Variants in PHACTR2 observed in about 807,000 individuals in gnomAD.
The protein encoded by PHACTR2 is chromosome 6 open reading frame 56.
A neutral mutation model predicts 76.0 loss-of-function variants in PHACTR2; 30 were observed. The ratio of observed to expected loss-of-function variants is 0.39; its 90% CI spans 0.30 to 0.54. PHACTR2 has a LOEUF of 0.54. PHACTR2 is among the 20% of genes least tolerant of loss of function. The probability of loss-of-function intolerance (pLI) is 0.61; values close to 1 mark genes in which losing one functional copy is unlikely to be tolerated. For synonymous variants in PHACTR2, 292 were observed against 292.5 expected (o/e 1.00, Z 0.02); for missense variants, 696 against 781.1 (o/e 0.89, Z 1.30).
At chr6:143,685,136 C>T (rs1263774340) in intron 1 of PHACTR2, among the ~76,000 whole-genome samples, 2 of 151,854 alleles carry the variant, frequency 1.3e-5, no homozygotes, top group Admixed American at 6.6e-5. Context: ...CGTTTTCTTT[C>T]TTACAGACTA....
rs1486135263 is a variant in PHACTR2, at chr6:143,537,410, A to T, written c.217+203A>T. Among the ~76,000 whole-genome samples the T allele has an allele frequency of 5.3e-5, 8 of 152,128 alleles. No homozygotes were observed. The highest frequency in any genetic ancestry group is 5.2e-4 in the Admixed American group (8 of 15,284). ...CCCGGGCTCGGCGACCCTAGGCGGA[A>T]GATGCTAAAAGCAGGCGACGGCTTG... On this transcript the variant is annotated intron_variant, in intron 1 of 11. Coordinates refer to the PHACTR2 transcript ENST00000367584. This position sits in a 1 kb window ranked among gnomAD's most constrained non-coding sequence, Gnocchi z 4.4.
chr6:143,753,036 T>G lies in PHACTR2; in HGVS notation c.296-718T>G, dbSNP rs940233966. 6.6e-6 allele frequency among the ~76,000 whole-genome samples: 1 copy of G among 152,016 alleles called. No homozygotes were observed. Among genetic ancestry groups the G allele is most frequent in the Non-Finnish European group, 1.5e-5 (1 of 67,972 alleles). On this transcript the variant is annotated intron_variant, in intron 3 of 12. Coordinates refer to ENST00000440869, the MANE Select transcript of PHACTR2 (RefSeq NM_001100164.2). This position sits in a 1 kb window ranked among gnomAD's most constrained non-coding sequence, Gnocchi z 4.6. ...ATCCATTATGGTTTTTTAAAATTCC[T>G]TTGTGATTACTTTTTTATGTGTGTT...
chr6:143,755,872 A>G lies in PHACTR2; in HGVS notation c.454+1960A>G, dbSNP rs1246254210. Among the ~76,000 whole-genome samples, 1 of 152,198 alleles carries G rather than the reference A, an allele frequency of 6.6e-6. No homozygotes were observed. The highest frequency in any genetic ancestry group is 2.4e-5 in the African/African-American group (1 of 41,458). ...GACAAAGGTAACAATTTATTTCTCT[A>G]GAAAAACATTTTTCATTCTGAAGAC... is the stretch of plus-strand genomic sequence containing the variant. On this transcript the variant is annotated intron_variant, in intron 4 of 12. Coordinates refer to ENST00000440869, the MANE Select transcript of PHACTR2 (RefSeq NM_001100164.2). The surrounding 1 kb of genome is among the most constrained non-coding windows in gnomAD (Gnocchi z 5.2).
At position 143,754,530 on chromosome 6, in the gene PHACTR2, C is replaced by T. The variant is rs139076325; in HGVS notation, c.454+618C>T. 7.1e-3 allele frequency among the ~76,000 whole-genome samples: 1,076 copies of T among 152,318 alleles called. 14 individuals are homozygous for T. The highest frequency in any genetic ancestry group is 0.024 in the African/African-American group (1,016 of 41,564). On this transcript the variant is annotated intron_variant, in intron 4 of 12. Transcript: ENST00000440869. This position sits in a 1 kb window ranked among gnomAD's most constrained non-coding sequence, Gnocchi z 6.2. Reference sequence around the variant, plus strand: ...ATGTGCCAGAGGCGATTATGCTATTCCCAGAAGACTTCTTTAGAGACCTTG... The same window carrying T: ...ATGTGCCAGAGGCGATTATGCTATTTCCAGAAGACTTCTTTAGAGACCTTG...
intron 1 of PHACTR2, among the ~76,000 whole-genome samples, chr6:143,626,629 G>A (rs748095003): frequency 3.3e-5 from 5 of 151,944 alleles, no homozygotes; most frequent in Non-Finnish European, 7.4e-5. Context: ...GTGGCAGCTT[G>A]ATTACACAAA....
At chr6:143,655,934 C>G (rs1221783683) in intron 1 of PHACTR2, among the ~76,000 whole-genome samples, 1 of 152,186 alleles carries the variant, frequency 6.6e-6, no homozygotes, top group African/African-American at 2.4e-5. Flanking sequence ...AACAGACGGG[C>G]AGCAGATACA....
intron 1 of PHACTR2, among the ~76,000 whole-genome samples, chr6:143,665,024 C>T (rs967070116): frequency 1.3e-5 from 2 of 152,084 alleles, no homozygotes; most frequent in Non-Finnish European, 2.9e-5. Context: ...GGTCTGAACT[C>T]CTGACCTCAA....
Position 143,688,168 on chromosome 6 carries a change from C to T in PHACTR2, c.46+9959C>T, listed in dbSNP as rs994789668. ...TACTGAAAGCCACAGGCAATGGGAA[C>T]CACTGACGCTTTTTTTTTTTTAAAT... On this transcript the variant is annotated intron_variant, in intron 1 of 12. Coordinates refer to ENST00000440869, the MANE Select transcript of PHACTR2 (RefSeq NM_001100164.2). This position sits in a 1 kb window ranked among gnomAD's most constrained non-coding sequence, Gnocchi z 5.2. Among the ~76,000 whole-genome samples, 6 of 128,818 alleles carry T rather than the reference C, an allele frequency of 4.7e-5. No homozygotes were observed. The highest frequency in any genetic ancestry group is 1.3e-4 in the African/African-American group (4 of 31,882). 84.5% of individuals were successfully genotyped at this position (128,818 alleles called of 152,430 possible).
At chr6:143,711,780 G>A (rs1198166197) in intron 1 of PHACTR2, 1 of 695,078 alleles carries the variant, frequency 1.4e-6, no homozygotes, top group Non-Finnish European at 2.7e-6. Flanking sequence ...TATAATGTAA[G>A]TCTCTTGCTT....
chr6:143,545,939 G>A (rs1031144776), intron 1 of PHACTR2, among the ~76,000 whole-genome samples: 2 of 152,180 alleles, frequency 1.3e-5, no homozygotes, highest in Non-Finnish European at 2.9e-5. Flanking sequence ...GTGTTCTGCC[G>A]TGTTTTCAGG....
chr6:143,732,041 T>A (rs934234448), intron 2 of PHACTR2, among the ~76,000 whole-genome samples: 4 of 152,344 alleles, frequency 2.6e-5, no homozygotes, highest in African/African-American at 9.6e-5. Flanking sequence ...CCATAAAGTC[T>A]ATGTGCAAAT....
intron 1 of PHACTR2, among the ~76,000 whole-genome samples, chr6:143,590,306 A>G (rs140122660): frequency 6.6e-6 from 1 of 152,292 alleles, no homozygotes; most frequent in African/African-American, 2.4e-5. Context: ...TGGAGGACCC[A>G]CATTCATAAA....
chr6:143,702,127 C>CTTTT (rs909954007), intron 1 of PHACTR2, among the ~76,000 whole-genome samples: 11 of 105,740 alleles, frequency 1.0e-4, no homozygotes, highest in African/African-American at 1.1e-4. Flanking sequence ...GTCTTCTTTG[C>CTTTT]TTTTTTTTTT....
In PHACTR2 at chr6:143,761,948, C is replaced by T. The variant is rs1456641850; in HGVS notation, c.694+1308C>T. On this transcript the variant is annotated intron_variant, in intron 5 of 12. Transcript: ENST00000440869. The surrounding 1 kb of genome is among the most constrained non-coding windows in gnomAD (Gnocchi z 5.2). ...TCCCTCTCCCTGTGCTCCTCATGTC[C>T]CGCCTTTGACCTTTAGTGTCTGGGT... 6.6e-6 allele frequency among the ~76,000 whole-genome samples: 1 copy of T among 152,088 alleles called. No homozygotes were observed. Among genetic ancestry groups the T allele is most frequent in the East Asian group, 1.9e-4 (1 of 5,174 alleles).
chr6:143,808,272 G>A (rs1776106393), intron 12 of PHACTR2, among the ~76,000 whole-genome samples: 1 of 151,918 alleles, frequency 6.6e-6, no homozygotes, highest in Non-Finnish European at 1.5e-5. Context: ...GGGATTACAG[G>A]CATGTGCCAC....
rs776741724 is a variant in PHACTR2 at position 143,570,728 on chromosome 6, A to T, written c.217+33521A>T. 6.6e-6 allele frequency among the ~76,000 whole-genome samples: 1 copy of T among 152,284 alleles called. No individual in the cohort carries two copies. The highest frequency in any genetic ancestry group is 2.4e-5 in the African/African-American group (1 of 41,570). ...AGCAGCCATGGCCAGCGTGAGGTGC[A>T]TGTGCAAGTGGAGAAGTAGCAGGTT... On this transcript the variant is annotated intron_variant, in intron 1 of 11. Coordinates refer to the PHACTR2 transcript ENST00000367584. The surrounding 1 kb of genome is among the most constrained non-coding windows in gnomAD (Gnocchi z 4.6).
rs10782290 is a variant in PHACTR2 at position 143,585,203 on chromosome 6, T to C, written c.217+47996T>C. Among the ~76,000 whole-genome samples, 106,317 of 151,760 alleles carry C rather than the reference T, an allele frequency of 0.7. 37,648 individuals are homozygous for C. The highest frequency in any genetic ancestry group is 0.79 in the Middle Eastern group (233 of 294). On this transcript the variant is annotated intron_variant, in intron 1 of 11. Transcript: ENST00000367584. The surrounding 1 kb of genome is among the most constrained non-coding windows in gnomAD (Gnocchi z 5.2). ...AGTGGGGGCTTAGTGGGGTAGAGAC[T>C]GCATCTGCACCATGAGGCAGCAAGA...
At chr6:143,552,837 C>T (rs977008051) in intron 1 of PHACTR2, among the ~76,000 whole-genome samples, 1 of 141,822 alleles carries the variant, frequency 7.1e-6, no homozygotes, top group African/African-American at 2.6e-5. Context: ...GAGCCAAGAT[C>T]GTGCCACTGC....
rs1250209171 is a variant in PHACTR2 at position 143,753,929 on chromosome 6, C to T, written c.454+17C>T. The T allele has an allele frequency of 1.9e-6, 3 of 1,579,268 alleles. No individual in the cohort carries two copies. The highest frequency in any genetic ancestry group is 2.6e-6 in the Non-Finnish European group (3 of 1,164,206). Reference sequence around the variant, plus strand: ...ATAAGAAAGGTAAAATAAAGACAAACCCATATTATTTACTTTAGTATATAG... The same window carrying T: ...ATAAGAAAGGTAAAATAAAGACAAATCCATATTATTTACTTTAGTATATAG... On this transcript the variant is annotated intron_variant, in intron 4 of 12. Coordinates refer to ENST00000440869, the MANE Select transcript of PHACTR2 (RefSeq NM_001100164.2). This position sits in a 1 kb window ranked among gnomAD's most constrained non-coding sequence, Gnocchi z 4.6.
Sources: allele counts gnomAD v4.1 joint callset (sites outside exome capture counted in the v4.1 genomes callset), GRCh38; gene constraint gnomAD v4.1.1; non-coding constraint Gnocchi (gnomAD v3.1); transcripts MANE v1.5; gene names NCBI Gene and HGNC (gene_info 2026-07-23, HGNC 2026-07-21).